Variants in SORCS1 observed in about 807,000 individuals in gnomAD.
The protein encoded by SORCS1 is VPS10 domain-containing receptor SorCS1.
A neutral mutation model predicts 146.1 loss-of-function variants in SORCS1; 60 were observed. That is an observed-to-expected ratio of 0.41 (90% CI 0.33 to 0.51). The LOEUF is 0.51. Among genes scored for constraint, SORCS1 ranks in the 20% least tolerant of loss-of-function variants. The pLI, the probability that SORCS1 is intolerant of heterozygous loss-of-function variation, is 0.21. For missense variants in SORCS1, 1,352 were observed against 1,487.6 expected, an observed-to-expected ratio of 0.91 and a Z score of 1.50; for synonymous variants, 637 against 584.0, an observed-to-expected ratio of 1.09 and a Z score of -1.31.
At chr10:106,610,485 G>A (rs926302527) in intron 22 of SORCS1, among the ~76,000 whole-genome samples, 10 of 152,098 alleles carry the variant, frequency 6.6e-5, no homozygotes, top group Admixed American at 1.3e-4. Flanking sequence ...TATTTTAAGT[G>A]CTAACCAAAT....
chr10:106,899,510 T>C (rs570781606), intron 2 of SORCS1, among the ~76,000 whole-genome samples: 1 of 151,792 alleles, frequency 6.6e-6, no homozygotes, highest in South Asian at 2.1e-4. Context: ...GTTCTAAAAA[T>C]CATCCAGGGC....
intron 6 of SORCS1, among the ~76,000 whole-genome samples, chr10:106,723,234 A>G (rs1356085866): frequency 1.3e-5 from 2 of 152,208 alleles, no homozygotes; most frequent in Non-Finnish European, 2.9e-5. Flanking sequence ...AGATTAAATA[A>G]GATACAACTT....
intron 2 of SORCS1, among the ~76,000 whole-genome samples, chr10:106,853,529 C>T (rs992969081): frequency 6.6e-6 from 1 of 151,366 alleles, no homozygotes; most frequent in Admixed American, 6.6e-5. Context: ...TCATTTTTCC[C>T]TAATTTTCTG....
chr10:106,709,822 T>G (rs796351180), intron 6 of SORCS1, among the ~76,000 whole-genome samples: 6 of 152,300 alleles, frequency 3.9e-5, no homozygotes, highest in African/African-American at 1.4e-4. Context: ...ATTATTTAAA[T>G]TATTATCATT....
chr10:106,781,695 T>C (rs2152675), intron 3 of SORCS1, among the ~76,000 whole-genome samples: 7,126 of 152,210 alleles, frequency 0.047, 268 homozygotes, highest in East Asian at 0.11. Context: ...TGCTGACCAA[T>C]GAGGGTGGAA....
chr10:106,892,577 C>T (rs1376758358), intron 2 of SORCS1, among the ~76,000 whole-genome samples: 2 of 152,110 alleles, frequency 1.3e-5, no homozygotes, highest in South Asian at 4.1e-4. Flanking sequence ...ATTTATCCAC[C>T]CATTTATTCA....
chr10:107,080,951 T>A (rs1049997019), intron 1 of SORCS1, among the ~76,000 whole-genome samples: 10 of 152,216 alleles, frequency 6.6e-5, no homozygotes, highest in Admixed American at 3.3e-4. Context: ...AGAGTTACTG[T>A]GTTAAGTATA....
At chr10:106,767,987 T>C (rs575170234) in intron 4 of SORCS1, among the ~76,000 whole-genome samples, 20 of 152,348 alleles carry the variant, frequency 1.3e-4, no homozygotes, top group Admixed American at 9.2e-4. Context: ...TATTTTTTTT[T>C]CCCGAAATCA....
intron 1 of SORCS1, among the ~76,000 whole-genome samples, chr10:107,031,366 A>G (rs1320701592): frequency 6.6e-6 from 1 of 152,018 alleles, no homozygotes; most frequent in Non-Finnish European, 1.5e-5. Context: ...ATGGCCCACA[A>G]TAATCACCAA....
chr10:106,628,706 A>G (rs1402809130), intron 19 of SORCS1, among the ~76,000 whole-genome samples: 1 of 152,228 alleles, frequency 6.6e-6, no homozygotes, highest in Non-Finnish European at 1.5e-5. Context: ...CACAGATAGA[A>G]GCCCAGGAAA....
At chr10:106,709,992 A>C (rs1564884687) in intron 6 of SORCS1, among the ~76,000 whole-genome samples, 1 of 152,158 alleles carries the variant, frequency 6.6e-6, no homozygotes, top group Non-Finnish European at 1.5e-5. Context: ...TTGGGATTTC[A>C]TGGTCAATTT....
Position 106,620,120 on chromosome 10 carries a change from T to G in SORCS1, c.2796+308A>C, listed in dbSNP as rs573075860. On this transcript the variant is annotated intron_variant, in intron 20 of 25. Coordinates refer to ENST00000263054, the MANE Select transcript of SORCS1 (RefSeq NM_052918.5). ...AATTTCAGGACTGTTGTTAGAACTT[T>G]CAGGAAATAGAGTTTAATTTCTCTG... The G allele has an allele frequency of 1.4e-3, 283 of 204,888 alleles. 2 individuals carry two copies. Among genetic ancestry groups the G allele is most frequent in the African/African-American group, 6.2e-3 (269 of 43,422 alleles). 12.7% of individuals were successfully genotyped at this position (204,888 alleles called of 1,614,324 possible).
chr10:107,104,006 G>A (rs913420779), intron 1 of SORCS1, among the ~76,000 whole-genome samples: 28 of 152,142 alleles, frequency 1.8e-4, no homozygotes, highest in Admixed American at 4.6e-4. Flanking sequence ...TGGCAGATTC[G>A]TCAGAACCTT....
chr10:107,124,090 A>G, intron 1 of SORCS1, among the ~76,000 whole-genome samples: 1 of 151,756 alleles, frequency 6.6e-6, no homozygotes, highest in East Asian at 1.9e-4. Flanking sequence ...TCGTCTCAAA[A>G]AAAAAAAAAA....
chr10:106,723,794 G>A (rs1367687067), intron 6 of SORCS1, among the ~76,000 whole-genome samples: 2 of 152,044 alleles, frequency 1.3e-5, no homozygotes, highest in Non-Finnish European at 2.9e-5. Flanking sequence ...GTTGCTTTGG[G>A]AGCAAAGGTT....
At chr10:107,082,911 C>G (rs1021438510) in intron 1 of SORCS1, among the ~76,000 whole-genome samples, 1 of 151,756 alleles carries the variant, frequency 6.6e-6, no homozygotes, top group East Asian at 1.9e-4. Flanking sequence ...CCCAGACCAC[C>G]CTGCCTAACA....
chr10:106,748,863 T>G (rs1441187811), intron 5 of SORCS1, among the ~76,000 whole-genome samples: 1 of 152,138 alleles, frequency 6.6e-6, no homozygotes, highest in Non-Finnish European at 1.5e-5. Flanking sequence ...CATCTCAGCA[T>G]TTTGCTTTCA....
chr10:106,860,205 T>C (rs1458086812), intron 2 of SORCS1, among the ~76,000 whole-genome samples: 1 of 152,224 alleles, frequency 6.6e-6, no homozygotes, highest in Non-Finnish European at 1.5e-5. Flanking sequence ...TGTCTATAAA[T>C]ACAGCTATGG....
chr10:107,060,968 A>C lies in SORCS1; in HGVS notation c.558+103001T>G, dbSNP rs559040171. 2.5e-4 allele frequency among the ~76,000 whole-genome samples: 38 copies of C among 152,348 alleles called. 1 individual carries two copies. Among genetic ancestry groups the C allele is most frequent in the African/African-American group, 8.9e-4 (37 of 41,598 alleles). On this transcript the variant is annotated intron_variant, in intron 1 of 25. Coordinates refer to ENST00000263054, the MANE Select transcript of SORCS1 (RefSeq NM_052918.5). This position sits in a 1 kb window ranked among gnomAD's most constrained non-coding sequence, Gnocchi z 4.1. ...CTTTCTCTTTCCAAGTTAAATAAAA[A>C]AATTTATCTTCTGTTTCTACTCCAG...
Sources: allele counts gnomAD v4.1 joint callset (sites outside exome capture counted in the v4.1 genomes callset), GRCh38; gene constraint gnomAD v4.1.1; non-coding constraint Gnocchi (gnomAD v3.1); transcripts MANE v1.5; gene names NCBI Gene and HGNC (gene_info 2026-07-23, HGNC 2026-07-21).